KIF24: variants seen among roughly 807,000 people sequenced by gnomAD.
The protein encoded by KIF24 is kinesin family member 24, also known as kinesin-like protein KIF24.
In KIF24, 81 loss-of-function variants were observed where a neutral mutation model predicts 118.9. The ratio of observed to expected loss-of-function variants is 0.68; its 90% confidence interval spans 0.57 to 0.82. The LOEUF is 0.82. Among genes scored for constraint, KIF24 ranks in the 40% least tolerant of loss-of-function variants. The pLI, the probability that KIF24 is intolerant of heterozygous loss-of-function variation, is 0.00. For missense variants in KIF24, 1,560 were observed against 1,661.6 expected (o/e 0.94, Z 1.06); for synonymous variants, 599 against 610.0 (o/e 0.98, Z 0.27).
chr9:34,326,418 G>A (rs1837674716), intron 1 of KIF24, among the ~76,000 whole-genome samples: 1 of 152,152 alleles, frequency 6.6e-6, no homozygotes, highest in Non-Finnish European at 1.5e-5. Flanking sequence ...TTATTTTAAT[G>A]GGAAGAGATA....
At chr9:34,311,512 T>A (rs987284234) in intron 1 of KIF24, 141 bp from the exon 2 acceptor site, 24 of 475,010 alleles carry the variant, frequency 5.1e-5, no homozygotes, top group Non-Finnish European at 6.9e-5. Context: ...AACATATTTT[T>A]CTTCTGAAAT....
chr9:34,254,423 C>A lies in KIF24; in HGVS notation c.4064G>T (p.Cys1355Phe). The change falls in exon 13 of 13, where the codon TGC becomes TTC. Residue 1355 changes from cysteine to phenylalanine, a missense_variant. Physicochemically the swap from Cys to Phe is radical, Grantham distance 205 (BLOSUM62 -2). Coordinates refer to ENST00000402558, the MANE Select transcript of KIF24 (RefSeq NM_194313.4). ...LRSQLQLYLTCHGPTAAPEGT... is the reference protein window; with the variant it reads ...LRSQLQLYLTFHGPTAAPEGT... ...CTCAGGGGCTGCGGTGGGCCCGTGG[C>A]AGGTGAGATAGAGCTGCAGCTGGCT... is the stretch of plus-strand genomic sequence containing the variant. The A allele has an allele frequency of 6.2e-7, 1 of 1,613,842 alleles. No individual in the cohort carries two copies. Among genetic ancestry groups the A allele is most frequent in the Non-Finnish European group, 8.5e-7 (1 of 1,179,874 alleles).
Position 34,255,982 on chromosome 9 carries a change from G to T in KIF24, c.3625C>A (p.Arg1209=). The T allele has an allele frequency of 6.2e-7, 1 of 1,613,954 alleles. No individual in the cohort carries two copies. Among genetic ancestry groups the T allele is most frequent in the Non-Finnish European group, 8.5e-7 (1 of 1,179,858 alleles). Residue 1209 remains arginine, a synonymous_variant, in exon 11 of 13, where the codon CGA becomes AGA. Transcript: ENST00000402558. ...VPHSGPTLTP[R]TGSSDVADQL... is the part of the protein sequence containing the mutation. Reference sequence around the variant, plus strand: ...TCAGCCACATCACTACTTCCTGTTCGTGGGGTGAGTGTAGGTCCAGAATGG... The same window carrying T: ...TCAGCCACATCACTACTTCCTGTTCTTGGGGTGAGTGTAGGTCCAGAATGG...
intron 1 of KIF24, among the ~76,000 whole-genome samples, chr9:34,324,509 A>G (rs1226077950): frequency 6.6e-6 from 1 of 152,114 alleles, no homozygotes; most frequent in Non-Finnish European, 1.5e-5. Context: ...ATTCAGCCCC[A>G]TATCTTCCAC....
intron 1 of KIF24, among the ~76,000 whole-genome samples, chr9:34,321,600 C>CT (rs1262413092): frequency 2.8e-5 from 3 of 108,830 alleles, no homozygotes; most frequent in African/African-American, 5.9e-5. Context: ...ATACATACTT[C>CT]TTCTTTTTTT....
intron 8 of KIF24, among the ~76,000 whole-genome samples, chr9:34,266,688 A>G (rs1329192675): frequency 3.3e-5 from 5 of 150,156 alleles, no homozygotes; most frequent in Non-Finnish European, 3.0e-5. Context: ...AGAAAAAAAA[A>G]AAAAAAAGAA....
intron 1 of KIF24, among the ~76,000 whole-genome samples, chr9:34,316,499 G>A (rs1837334568): frequency 6.6e-6 from 1 of 152,062 alleles, no homozygotes; most frequent in African/African-American, 2.4e-5. Flanking sequence ...CATCCTCAGG[G>A]CCCTTACGAC....
intron 1 of KIF24, chr9:34,319,646 C>T (rs999871536): frequency 2.6e-5 from 22 of 850,120 alleles, no homozygotes; most frequent in Non-Finnish European, 3.8e-5. Context: ...AGATGCAAGA[C>T]GAGTTTTAGG....
In KIF24 at chr9:34,255,761, G is replaced by T; in HGVS notation, c.3846C>A (p.Leu1282=). The part of the protein sequence containing the change: ...PSCSPKTAGT[L]RQPTLEQAQQ... ...GCGCTTGCTCCAGGGTGGGCTGACGGAGTGTCCCTGCAGTCTTGGGAGAGC... is the reference window on the plus strand; with the variant it reads ...GCGCTTGCTCCAGGGTGGGCTGACGTAGTGTCCCTGCAGTCTTGGGAGAGC... The change falls in exon 11 of 13, where the codon CTC becomes CTA. Residue 1282 remains leucine, a synonymous_variant. Transcript: ENST00000402558. 6.2e-7 allele frequency: 1 copy of T among 1,613,360 alleles called. No individual in the cohort carries two copies. The highest frequency in any genetic ancestry group is 8.5e-7 in the Non-Finnish European group (1 of 1,179,524).
chr9:34,309,535 C>T (rs1378863122), intron 2 of KIF24, among the ~76,000 whole-genome samples: 4 of 132,908 alleles, frequency 3.0e-5, no homozygotes, highest in South Asian at 2.4e-4. Flanking sequence ...TGCGAGACTC[C>T]GTCTCAAAAA....
At chr9:34,311,697 T>C (rs1837161097) in intron 1 of KIF24, among the ~76,000 whole-genome samples, 1 of 147,778 alleles carries the variant, frequency 6.8e-6, no homozygotes, top group East Asian at 2.0e-4. Context: ...TACGTATATA[T>C]GTACATATAT....
chr9:34,257,981 C>T lies in KIF24; in HGVS notation c.1626G>A (p.Arg542=), dbSNP rs76547823. 0.013 allele frequency: 20,282 copies of T among 1,571,832 alleles called. 1,164 individuals are homozygous for T. The East Asian group carries it at 0.2, about 16-fold the overall frequency. Residue 542 remains arginine, a splice_region_variant and synonymous_variant, in exon 11 of 13, where the codon CGG becomes CGA. Transcript: ENST00000402558. The part of the protein sequence containing the change: ...HTLNTLRYAD[R]VKELKKGIKC... ...TAATGCCTTTCTTTAGTTCTTTGAC[C>T]CTGTAAATAATCATTTTATGTTAAA...
upstream of KIF24, among the ~76,000 whole-genome samples, chr9:34,331,413 G>A (rs997290371): frequency 3.3e-5 from 5 of 152,226 alleles, no homozygotes; most frequent in Non-Finnish European, 5.9e-5. Context: ...AGGAAGTTAA[G>A]TATCTTGCTC....
Position 34,286,668 on chromosome 9 carries a change from C to T in KIF24, c.1164G>A (p.Gln388=). ...FAREDSKHMV[Q]IVGLQELQVD... is the part of the protein sequence containing the mutation. ...CCTGAAGCTCTTGCAGTCCCACTAT[C>T]TGCACCATGTGCTTGCTATCTTCTC... The change falls in exon 6 of 13, where the codon CAG becomes CAA. Residue 388 remains glutamine, a synonymous_variant. Coordinates refer to ENST00000402558, the MANE Select transcript of KIF24 (RefSeq NM_194313.4). The T allele has an allele frequency of 6.2e-7, 1 of 1,613,726 alleles. No homozygotes were observed. Among genetic ancestry groups the T allele is most frequent in the South Asian group, 1.1e-5 (1 of 91,078 alleles).
intron 5 of KIF24, 112 bp downstream of exon 5, chr9:34,290,062 G>A (rs1587942711): frequency 1.5e-6 from 1 of 651,180 alleles, no homozygotes; most frequent in East Asian, 2.6e-5. Context: ...TTTCACAAAA[G>A]GGCACTAATG....
chr9:34,324,732 C>T (rs1200206595), intron 1 of KIF24, among the ~76,000 whole-genome samples: 2 of 152,198 alleles, frequency 1.3e-5, no homozygotes, highest in Admixed American at 6.5e-5. Flanking sequence ...TGTAATCTAG[C>T]CCCTTCCTCA....
At chr9:34,295,118 GATAGGTAGGTA>G (rs1836413017) in intron 4 of KIF24, among the ~76,000 whole-genome samples, 1 of 48,074 alleles carries the variant, frequency 2.1e-5, no homozygotes, top group Non-Finnish European at 1.1e-4. Flanking sequence ...AATTTTAATA[GATAGGTAGGTA>G]GATAGGTAGG....
chr9:34,285,176 T>C lies in KIF24; in HGVS notation c.1215+1441A>G, dbSNP rs139668417. ...ATGATAAGTATGACTTTTATTACAA[T>C]AAAAGAATAACTTAATAAAAGAAGC... is the stretch of plus-strand genomic sequence containing the variant. On this transcript the variant is annotated intron_variant, in intron 6 of 12. Transcript: ENST00000402558. Among the ~76,000 whole-genome samples the C allele has an allele frequency of 5.8e-3, 883 of 152,232 alleles. 8 individuals are homozygous for C. Among genetic ancestry groups the C allele is most frequent in the Non-Finnish European group, 0.01 (706 of 68,002 alleles).
At chr9:34,266,170 T>C (rs960401361) in intron 8 of KIF24, among the ~76,000 whole-genome samples, 2 of 152,154 alleles carry the variant, frequency 1.3e-5, no homozygotes, top group Non-Finnish European at 1.5e-5. Context: ...TGGGATTATA[T>C]GTGTGAGCCA....
Sources: allele counts gnomAD v4.1 joint callset (sites outside exome capture counted in the v4.1 genomes callset), GRCh38; gene constraint gnomAD v4.1.1; transcripts MANE v1.5; gene names NCBI Gene and HGNC (gene_info 2026-07-23, HGNC 2026-07-21).